Variants in ENPP1 observed in about 807,000 individuals in gnomAD.
ENPP1 encodes ectonucleotide pyrophosphatase/phosphodiesterase family member 1.
Under a neutral mutation model 122.8 loss-of-function variants are expected in ENPP1, and 73 were observed. That is an observed-to-expected ratio of 0.59 (90% confidence interval 0.49 to 0.72). ENPP1 has a LOEUF of 0.72. Among genes scored for constraint, ENPP1 ranks in the 30% least tolerant of loss-of-function variants. ENPP1 has a pLI of 0.00. For synonymous variants in ENPP1, 367 were observed against 391.6 expected (o/e 0.94, Z 0.74); for missense variants, 978 against 1,128.1 (o/e 0.87, Z 1.91).
intron 1 of ENPP1, among the ~76,000 whole-genome samples, chr6:131,823,768 C>T (rs907396187): frequency 6.6e-6 from 1 of 151,904 alleles, no homozygotes; most frequent in Admixed American, 6.6e-5. Flanking sequence ...AAGGCCAGAC[C>T]CTGGAGCCAG....
chr6:131,850,026 T>A lies in ENPP1; in HGVS notation c.350T>A (p.Phe117Tyr). 6.2e-7 allele frequency: 1 copy of A among 1,614,094 alleles called. No individual in the cohort carries two copies. Among genetic ancestry groups the A allele is most frequent in the Non-Finnish European group, 8.5e-7 (1 of 1,179,962 alleles). Residue 117 changes from phenylalanine (F) to tyrosine (Y), a missense_variant, in exon 3 of 25, where the codon TTT becomes TAT. By Grantham distance (22) the Phe-to-Tyr change is conservative (BLOSUM62 3). Coordinates refer to ENST00000647893, the MANE Select transcript of ENPP1 (RefSeq NM_006208.3). Reference sequence around the variant, plus strand: ...AAAGGTCGCTGTTTCGAGAGAACATTTGGGAACTGTCGCTGTGATGCTGCC... The same window carrying A: ...AAAGGTCGCTGTTTCGAGAGAACATATGGGAACTGTCGCTGTGATGCTGCC... ...SCKGRCFERTFGNCRCDAACV... is the reference protein window; with the variant it reads ...SCKGRCFERTYGNCRCDAACV...
intron 1 of ENPP1, among the ~76,000 whole-genome samples, chr6:131,846,671 C>A (rs1781815176): frequency 6.6e-6 from 1 of 152,148 alleles, no homozygotes; most frequent in Non-Finnish European, 1.5e-5. Flanking sequence ...AAGTAGAAAC[C>A]CCTTGAGCTA....
chr6:131,847,714 A>G (rs1781826937), intron 1 of ENPP1, 62 bp from the exon 2 acceptor site: 2 of 1,217,782 alleles, frequency 1.6e-6, no homozygotes, highest in East Asian at 2.6e-5. Flanking sequence ...TCTAAAAATA[A>G]AAAATAAGAT....
At chr6:131,882,915 C>A (rs910100390) in intron 21 of ENPP1, among the ~76,000 whole-genome samples, 2 of 151,700 alleles carry the variant, frequency 1.3e-5, no homozygotes, top group Non-Finnish European at 2.9e-5. Context: ...TATCAAGGTT[C>A]TTAGGAAGAT....
chr6:131,864,367 A>G (rs1017525338), intron 9 of ENPP1, 139 bp from the exon 10 acceptor site: 3 of 654,064 alleles, frequency 4.6e-6, no homozygotes, highest in Admixed American at 2.8e-5. Context: ...AAAGTTTTCA[A>G]ATAAAACCCT....
At chr6:131,859,456 GC>G (rs1781989073) in intron 7 of ENPP1, among the ~76,000 whole-genome samples, 1 of 151,614 alleles carries the variant, frequency 6.6e-6, no homozygotes, top group Non-Finnish European at 1.5e-5. Flanking sequence ...TGCGATCTCG[GC>G]TCACTGCAAC....
chr6:131,868,430 C>T (rs138009849), intron 12 of ENPP1, among the ~76,000 whole-genome samples: 1 of 150,950 alleles, frequency 6.6e-6, no homozygotes, highest in African/African-American at 2.4e-5. Flanking sequence ...ATTATTATAG[C>T]TTCAATTTCC....
chr6:131,878,669 C>G lies in ENPP1; in HGVS notation c.1945+76C>G. ...ATCAGTGTGAAATGCAGAGAACTGG[C>G]TTGGGGGTATTATTTGAGAATAACC... On this transcript the variant is annotated intron_variant, in intron 19 of 24. Transcript: ENST00000647893. The G allele has an allele frequency of 6.6e-6, 7 of 1,063,594 alleles. 1 individual carries two copies. The South Asian group carries it at 8.8e-5, about 13-fold the overall frequency. The allele number at this position is 1,063,594 out of a possible 1,614,324, so 65.9% of individuals were successfully genotyped here.
At chr6:131,864,447 A>T in intron 9 of ENPP1, 59 bp from the exon 10 acceptor site, 1 of 1,133,676 alleles carries the variant, frequency 8.8e-7, no homozygotes, top group Non-Finnish European at 1.3e-6. Flanking sequence ...GAAAAAAACT[A>T]TATTTTACAC....
In ENPP1 at chr6:131,886,640, A is replaced by T. The variant is rs1782381485; in HGVS notation, c.2523A>T (p.Thr841=). The change falls in exon 24 of 25, where the codon ACA becomes ACT. Residue 841 remains threonine, a synonymous_variant. Transcript: ENST00000647893. ...TTGTGCTAACAAGCTGTAAAGATACATCTCAGACGCCTTTGCACTGTGAAA... is the reference window on the plus strand; with the variant it reads ...TTGTGCTAACAAGCTGTAAAGATACTTCTCAGACGCCTTTGCACTGTGAAA... ...FFIVLTSCKD[T]SQTPLHCENL... The T allele has an allele frequency of 1.2e-6, 2 of 1,613,982 alleles. No homozygotes were observed. The highest frequency in any genetic ancestry group is 1.3e-5 in the African/African-American group (1 of 75,052).
chr6:131,850,453 C>T (rs1022019885), intron 3 of ENPP1, among the ~76,000 whole-genome samples: 1 of 151,990 alleles, frequency 6.6e-6, no homozygotes, highest in African/African-American at 2.4e-5. Context: ...CTTATATGTC[C>T]ACCTATATTT....
chr6:131,854,804 A>C, intron 5 of ENPP1, 122 bp from the exon 6 acceptor site: 2 of 726,914 alleles, frequency 2.8e-6, no homozygotes, highest in South Asian at 3.0e-5. Flanking sequence ...TAGTTTTCTT[A>C]AGATCACACA....
chr6:131,836,085 A>C (rs984088946), intron 1 of ENPP1, among the ~76,000 whole-genome samples: 2 of 151,636 alleles, frequency 1.3e-5, no homozygotes, highest in Non-Finnish European at 2.9e-5. Context: ...GACAGAAAGC[A>C]CAAAAGATCC....
chr6:131,884,832 A>G lies in ENPP1; in HGVS notation c.2312-99A>G, dbSNP rs1459376755. 7 of 1,370,276 alleles carry G rather than the reference A, an allele frequency of 5.1e-6. No individual in the cohort carries two copies. In the African/African-American group the frequency reaches 8.6e-5, roughly 17 times the overall value. The allele number at this position is 1,370,276 out of a possible 1,614,324, so 84.9% of individuals were successfully genotyped here. A position where few individuals can be genotyped will look rare whatever the true frequency, so the allele number is the denominator to read the frequency against. On this transcript the variant is annotated intron_variant, in intron 22 of 24. Transcript: ENST00000647893. The stretch of plus-strand genomic sequence containing the variant: ...GCCAAACTTGACTTTATCTTTATTT[A>G]CTATAAATGCTAATTTTGAATCATG...
intron 1 of ENPP1, among the ~76,000 whole-genome samples, chr6:131,837,762 T>A (rs1309132908): frequency 6.6e-6 from 1 of 152,166 alleles, no homozygotes; most frequent in African/African-American, 2.4e-5. Flanking sequence ...ATTATGAGGA[T>A]GTAGGGCATT....
Position 131,842,884 on chromosome 6 carries a change from G to A in ENPP1, c.241-4892G>A, listed in dbSNP as rs972275984. 9.0e-4 allele frequency among the ~76,000 whole-genome samples: 137 copies of A among 151,932 alleles called. 3 individuals carry two copies. Among genetic ancestry groups the A allele is most frequent in the Non-Finnish European group, 4.1e-4 (28 of 68,006 alleles). Reference sequence around the variant, plus strand: ...ATTGTATTTGAGGGAATTGGTGAGGGAAAAAAATTTTTTTTTTAGTATTTC... The same window carrying A: ...ATTGTATTTGAGGGAATTGGTGAGGAAAAAAAATTTTTTTTTTAGTATTTC... On this transcript the variant is annotated intron_variant, in intron 1 of 24. Coordinates refer to ENST00000647893, the MANE Select transcript of ENPP1 (RefSeq NM_006208.3).
intron 2 of ENPP1, among the ~76,000 whole-genome samples, chr6:131,848,825 C>T (rs1430699732): frequency 6.6e-6 from 1 of 152,116 alleles, no homozygotes; most frequent in African/African-American, 2.4e-5. Flanking sequence ...CAATAGACTT[C>T]CCTGACCCCC....
In ENPP1 at chr6:131,808,274, T is replaced by C; in HGVS notation, c.239T>C (p.Leu80Pro). Residue 80 changes from leucine (L) to proline (P), a missense_variant and splice_region_variant, in exon 1 of 25, where the codon CTG becomes CCG. Physicochemically the swap from Leu to Pro is moderately conservative, Grantham distance 98 (BLOSUM62 -3). Coordinates refer to ENST00000647893, the MANE Select transcript of ENPP1 (RefSeq NM_006208.3). ...CCCAACACCTATAAAGTACTCTCGC[T>C]GGTAGGTCCGCGGCCAGGCCCCGGC... ...KDPNTYKVLS[L>P]VLSVCVLTTI... The C allele has an allele frequency of 6.7e-7, 1 of 1,501,090 alleles. No individual in the cohort carries two copies. The highest frequency in any genetic ancestry group is 8.9e-7 in the Non-Finnish European group (1 of 1,122,572). 93.0% of individuals were successfully genotyped at this position (1,501,090 alleles called of 1,614,324 possible). A position where few individuals can be genotyped will look rare whatever the true frequency, so the allele number is the denominator to read the frequency against.
intron 2 of ENPP1, among the ~76,000 whole-genome samples, chr6:131,848,278 AT>A (rs1298072522): frequency 6.6e-6 from 1 of 152,162 alleles, no homozygotes; most frequent in African/African-American, 2.4e-5. Flanking sequence ...CCACAATGAT[AT>A]TTTTTTAAAC....
Sources: allele counts gnomAD v4.1 joint callset (sites outside exome capture counted in the v4.1 genomes callset), GRCh38; gene constraint gnomAD v4.1.1; transcripts MANE v1.5; gene names NCBI Gene and HGNC (gene_info 2026-07-23, HGNC 2026-07-21).